ZNF532: variants seen among roughly 807,000 people sequenced by gnomAD.
ZNF532 encodes zinc finger protein 532.
Under a neutral mutation model 89.3 loss-of-function variants are expected in ZNF532, and 22 were observed. That is an observed-to-expected ratio of 0.25 (90% CI 0.18 to 0.35). The LOEUF (loss-of-function observed/expected upper bound fraction) is 0.35, where lower values mean the gene tolerates loss of function less well. ZNF532 is among the 10% of genes least tolerant of loss of function. ZNF532 has a pLI of 1.00. For missense variants in ZNF532, 1,132 were observed against 1,643.4 expected (o/e 0.69, Z 5.38); for synonymous variants, 606 against 649.6 (o/e 0.93, Z 1.02).
intron 2 of ZNF532, among the ~76,000 whole-genome samples, chr18:58,910,751 G>A (rs972799923): frequency 2.0e-5 from 3 of 151,944 alleles, no homozygotes; most frequent in Admixed American, 6.6e-5. Context: ...CTGGGATTAC[G>A]AGCATGAGCC....
At chr18:58,981,298 T>G in intron 8 of ZNF532, 172 bp from the exon 9 acceptor site, 2 of 763,018 alleles carry the variant, frequency 2.6e-6, no homozygotes, top group South Asian at 1.7e-5. Context: ...ACCTGTAAAT[T>G]AAGGGCCACT....
At chr18:58,909,140 AC>A (rs1266597587) in intron 2 of ZNF532, among the ~76,000 whole-genome samples, 2 of 152,222 alleles carry the variant, frequency 1.3e-5, no homozygotes, top group South Asian at 2.1e-4. Flanking sequence ...TTTAGTAGAG[AC>A]AGGGTTTCTC....
chr18:58,982,770 G>A (rs1428145727), intron 9 of ZNF532, among the ~76,000 whole-genome samples: 2 of 152,146 alleles, frequency 1.3e-5, no homozygotes, highest in African/African-American at 2.4e-5. Flanking sequence ...AAGTCAGACT[G>A]ATGTGGCATT....
At position 58,985,244 on chromosome 18, in the gene ZNF532, G is replaced by A. The variant is rs1446019862; in HGVS notation, c.*778G>A. 6.6e-6 allele frequency: 1 copy of A among 152,234 alleles called. No homozygotes were observed. The highest frequency in any genetic ancestry group is 1.5e-5 in the Non-Finnish European group (1 of 68,036). 9.4% of individuals were successfully genotyped at this position (152,234 alleles called of 1,614,324 possible). A position where few individuals can be genotyped will look rare whatever the true frequency, so the allele number is the denominator to read the frequency against. On this transcript the variant is annotated 3_prime_UTR_variant, in exon 10 of 10. Coordinates refer to ENST00000591808, the MANE Select transcript of ZNF532 (RefSeq NM_001375912.1). ...CAGATCTGCAAGGCTGGCTTTAAGA[G>A]CACAAGGAGGGAAAGTAACGAAAGG...
chr18:58,922,609 G>A (rs901905554), intron 3 of ZNF532, among the ~76,000 whole-genome samples: 4 of 152,290 alleles, frequency 2.6e-5, no homozygotes, highest in Admixed American at 1.3e-4. Flanking sequence ...TCTTGACACC[G>A]CTTCATCAAA....
At chr18:58,886,914 A>T (rs1212334493) in intron 2 of ZNF532, among the ~76,000 whole-genome samples, 2 of 152,122 alleles carry the variant, frequency 1.3e-5, no homozygotes, top group African/African-American at 4.8e-5. Flanking sequence ...TTAGAGAGAG[A>T]CTATCCTGTA....
At chr18:58,888,733 T>A (rs1362459497) in intron 2 of ZNF532, among the ~76,000 whole-genome samples, 2 of 52,262 alleles carry the variant, frequency 3.8e-5, no homozygotes, top group South Asian at 6.2e-4. Context: ...ATAAATTATA[T>A]ATATATATTT....
chr18:58,899,530 G>A (rs1325672743), intron 2 of ZNF532, among the ~76,000 whole-genome samples: 19 of 151,956 alleles, frequency 1.3e-4, no homozygotes, highest in African/African-American at 3.1e-4. Flanking sequence ...GTGCAGTGGC[G>A]CGATCTTGAC....
At chr18:58,918,170 T>G (rs1253645320) in intron 2 of ZNF532, 101 bp from the exon 3 acceptor site, 2 of 1,130,046 alleles carry the variant, frequency 1.8e-6, no homozygotes, top group Non-Finnish European at 2.5e-6. Flanking sequence ...CTCCTTGCTC[T>G]TTCTTAGTAA....
At chr18:58,920,838 G>T (rs951319640) in intron 3 of ZNF532, among the ~76,000 whole-genome samples, 3 of 150,664 alleles carry the variant, frequency 2.0e-5, no homozygotes, top group African/African-American at 7.3e-5. Context: ...ACATGATCCA[G>T]TAAGGATTGT....
chr18:58,944,564 G>A (rs1298403146), intron 5 of ZNF532, among the ~76,000 whole-genome samples: 2 of 152,006 alleles, frequency 1.3e-5, no homozygotes, highest in African/African-American at 2.4e-5. Context: ...CCTAGCACAC[G>A]GTGCCCAGTA....
chr18:58,953,802 C>T lies in ZNF532; in HGVS notation c.3150+3C>T. 6.2e-7 allele frequency: 1 copy of T among 1,609,900 alleles called. No homozygotes were observed. The highest frequency in any genetic ancestry group is 8.5e-7 in the Non-Finnish European group (1 of 1,177,172). The stretch of plus-strand genomic sequence containing the variant: ...ACGTGAGGAAGGAGCACGGGAAGGT[C>T]AGTAAAGAATGAAAGCTGCTCTGGG... On this transcript the variant is annotated splice_donor_region_variant and intron_variant, in intron 7 of 9. Coordinates refer to ENST00000591808, the MANE Select transcript of ZNF532 (RefSeq NM_001375912.1).
At chr18:58,966,805 C>T (rs1479000321) in intron 7 of ZNF532, among the ~76,000 whole-genome samples, 2 of 139,182 alleles carry the variant, frequency 1.4e-5, no homozygotes. Context: ...TGACATGTTG[C>T]TGCTTGGTCA....
chr18:58,910,080 A>AAT, intron 2 of ZNF532, among the ~76,000 whole-genome samples: 1 of 152,186 alleles, frequency 6.6e-6, no homozygotes, highest in South Asian at 2.1e-4. Context: ...CTACAAAAAA[A>AAT]AGAAAAAATA....
At chr18:58,942,189 AT>A (rs1319655692) in intron 5 of ZNF532, among the ~76,000 whole-genome samples, 1 of 150,996 alleles carries the variant, frequency 6.6e-6, no homozygotes, top group Non-Finnish European at 1.5e-5. Flanking sequence ...CGCCTGGCTA[AT>A]TTTTTGTATT....
chr18:58,915,555 T>C (rs1344123108), intron 2 of ZNF532, among the ~76,000 whole-genome samples: 1 of 152,164 alleles, frequency 6.6e-6, no homozygotes, highest in South Asian at 2.1e-4. Context: ...CTGCTTTAGC[T>C]GGGCAGGTAG....
At chr18:58,951,648 T>TTTTTTTTTTGGG (rs763112592) in intron 6 of ZNF532, among the ~76,000 whole-genome samples, 1 of 116,340 alleles carries the variant, frequency 8.6e-6, no homozygotes, top group African/African-American at 3.8e-5. Context: ...GCCCTGTTGT[T>TTTTTTTTTTGGG]TTTTTTTTTT....
At chr18:58,946,051 T>C (rs1344018174) in intron 5 of ZNF532, among the ~76,000 whole-genome samples, 4 of 152,082 alleles carry the variant, frequency 2.6e-5, no homozygotes, top group Admixed American at 6.6e-5. Flanking sequence ...TTTAAAACAA[T>C]TGTCCTATGC....
chr18:58,879,234 T>C (rs978681759), intron 2 of ZNF532, among the ~76,000 whole-genome samples: 1 of 152,224 alleles, frequency 6.6e-6, no homozygotes, highest in Non-Finnish European at 1.5e-5. Flanking sequence ...TTCCTCATTG[T>C]AAAATGCGAT....
Sources: gnomAD v4.1 joint callset for allele counts (sites outside exome capture counted in the v4.1 genomes callset) on GRCh38, gnomAD v4.1.1 for gene constraint, MANE v1.5 for transcripts, NCBI Gene and HGNC (gene_info 2026-07-23, HGNC 2026-07-21) for gene names.